HERC6: variants seen among roughly 807,000 people sequenced by gnomAD.
HERC6 encodes HECT and RLD domain containing E3 ubiquitin protein ligase family member 6.
In HERC6, 101 loss-of-function variants were observed where a neutral mutation model predicts 114.5. The observed-to-expected ratio is 0.88, with a 90% CI of 0.75 to 1.04. The LOEUF (loss-of-function observed/expected upper bound fraction) is 1.04. Ranked by LOEUF, HERC6 falls within the 50% of genes least tolerant of loss-of-function variation. The probability of loss-of-function intolerance (pLI) is 0.00; values close to 1 mark genes in which losing one functional copy is unlikely to be tolerated. For missense variants in HERC6, 1,133 were observed against 1,230.9 expected (o/e 0.92, Z 1.19); for synonymous variants, 408 against 436.2 (o/e 0.94, Z 0.81).
At position 88,442,625 on chromosome 4, in the gene HERC6, C is replaced by A; in HGVS notation, c.*165C>A. The A allele has an allele frequency of 1.6e-6, 1 of 640,066 alleles. No homozygotes were observed. Among genetic ancestry groups the A allele is most frequent in the Non-Finnish European group, 2.8e-6 (1 of 357,948 alleles). 39.6% of individuals were successfully genotyped at this position (640,066 alleles called of 1,614,324 possible). ...GATGGTCAAAGGGTGCAAAATCTCA[C>A]ACAAGACTGAGGCAGGAGAATAGGG... On this transcript the variant is annotated 3_prime_UTR_variant, in exon 23 of 23. Transcript: ENST00000264346.
At chr4:88,380,374 T>TATATATATATAATATAA (rs1734243111) in intron 1 of HERC6, among the ~76,000 whole-genome samples, 1 of 18,992 alleles carries the variant, frequency 5.3e-5, no homozygotes, top group Non-Finnish European at 8.2e-5. Context: ...AATATATAAA[T>TATATATATATAATATAA]ATATATATAT....
intron 22 of HERC6, among the ~76,000 whole-genome samples, chr4:88,441,410 A>T (rs1739340398): frequency 6.6e-6 from 1 of 152,198 alleles, no homozygotes; most frequent in Non-Finnish European, 1.5e-5. Context: ...ACATGAGGAA[A>T]AAGAGGCTTG....
chr4:88,404,737 AC>A, intron 8 of HERC6, 138 bp from the exon 9 acceptor site: 1 of 1,078,218 alleles, frequency 9.3e-7, no homozygotes, highest in South Asian at 1.7e-5. Context: ...TACCGGTCTG[AC>A]GCCAAAGCTC....
At chr4:88,383,156 T>C (rs1223623112) in intron 1 of HERC6, 65 bp from the exon 2 acceptor site, 1 of 1,558,372 alleles carries the variant, frequency 6.4e-7, no homozygotes, top group Non-Finnish European at 8.7e-7. Flanking sequence ...AGTGCTGTCT[T>C]AAACTTGTGT....
chr4:88,425,092 T>C (rs1737463123), intron 15 of HERC6, among the ~76,000 whole-genome samples: 1 of 152,232 alleles, frequency 6.6e-6, no homozygotes, highest in Non-Finnish European at 1.5e-5. Context: ...TCCAAAGTCA[T>C]TTCCTGGAAT....
intron 16 of HERC6, among the ~76,000 whole-genome samples, 171 bp from the exon 17 acceptor site, chr4:88,430,991 C>A (rs1738140420): frequency 6.6e-6 from 1 of 152,138 alleles, no homozygotes; most frequent in East Asian, 1.9e-4. Context: ...GATTCATGGC[C>A]TTCACTGCTC....
intron 18 of HERC6, among the ~76,000 whole-genome samples, chr4:88,436,158 A>G (rs1051963245): frequency 1.6e-4 from 24 of 152,210 alleles, no homozygotes; most frequent in Non-Finnish European, 3.1e-4. Context: ...CAGTTGCTTC[A>G]GAGAGCACAA....
At chr4:88,418,228 A>G (rs191697135) in intron 13 of HERC6, among the ~76,000 whole-genome samples, 222 of 152,318 alleles carry the variant, frequency 1.5e-3, no homozygotes, top group Middle Eastern at 3.4e-3. Flanking sequence ...GACAGTACTT[A>G]CCCAAGTGAG....
At position 88,413,780 on chromosome 4, in the gene HERC6, CAT is replaced by C. The variant is rs546567766; in HGVS notation, c.1558+516_1558+517del. ...GTCCAGATGTTTATATACCCTTCTA[CAT>C]AGAGGAGAGGGGAGGTAGGGAATGT... On this transcript the variant is annotated intron_variant, in intron 12 of 22. Transcript: ENST00000264346. Among the ~76,000 whole-genome samples the C allele has an allele frequency of 1.5e-3, 222 of 152,212 alleles. 6 individuals are homozygous for C. The highest frequency in any genetic ancestry group is 1.7e-3 in the Non-Finnish European group (115 of 68,034).
chr4:88,404,738 C>T (rs1403836105), intron 8 of HERC6, 138 bp from the exon 9 acceptor site: 27 of 1,103,244 alleles, frequency 2.4e-5, no homozygotes, highest in Middle Eastern at 4.6e-4. Flanking sequence ...ACCGGTCTGA[C>T]GCCAAAGCTC....
intron 8 of HERC6, among the ~76,000 whole-genome samples, chr4:88,401,910 T>G (rs951282923): frequency 6.6e-6 from 1 of 152,212 alleles, no homozygotes; most frequent in African/African-American, 2.4e-5. Flanking sequence ...TCTCCCGTGA[T>G]GTTAGGCTGC....
intron 3 of HERC6, among the ~76,000 whole-genome samples, chr4:88,386,199 C>CTTTTTTTTT (rs1262540915): frequency 7.6e-6 from 1 of 131,938 alleles, no homozygotes; most frequent in Non-Finnish European, 1.6e-5. Flanking sequence ...TTTTTCTTTT[C>CTTTTTTTTT]TTTTTTTTTT....
At position 88,390,863 on chromosome 4, in the gene HERC6, T is replaced by G. The variant is rs764456310; in HGVS notation, c.648T>G (p.Ser216Arg). 6.2e-7 allele frequency: 1 copy of G among 1,613,034 alleles called. No homozygotes were observed. The highest frequency in any genetic ancestry group is 8.5e-7 in the Non-Finnish European group (1 of 1,179,252). ...ACAGTGCCGGGCAGCTGGCCCTCAG[T>G]GGGCGTAATGTCCCAGGTAAGGAGA... ...GSNSAGQLAL[S>R]GRNVPVQSNK... The change falls in exon 4 of 23, where the codon AGT becomes AGG. Residue 216 changes from serine to arginine, a missense_variant. By Grantham distance (110) the Ser-to-Arg change is moderately radical. This residue lies in a region of HERC6 where 735 missense variants were observed against 754.0 expected (regional missense o/e 0.97). Transcript: ENST00000264346.
intron 13 of HERC6, among the ~76,000 whole-genome samples, chr4:88,418,719 T>A (rs1357343442): frequency 6.6e-6 from 1 of 152,118 alleles, no homozygotes; most frequent in African/African-American, 2.4e-5. Context: ...CATGTGTGAT[T>A]TTTTTGTTTG....
Position 88,400,785 on chromosome 4 carries a change from G to A in HERC6, c.1092+2576G>A, listed in dbSNP as rs139670639. On this transcript the variant is annotated intron_variant, in intron 8 of 22. Coordinates refer to ENST00000264346, the MANE Select transcript of HERC6 (RefSeq NM_017912.4). ...TTATAATTGTTTCATTTTGTTATTA[G>A]TTATTGGTATTAATCTCTTACTGTG... Among the ~76,000 whole-genome samples, 3 of 152,168 alleles carry A rather than the reference G, an allele frequency of 2.0e-5. No individual in the cohort carries two copies. In the East Asian group the frequency reaches 5.8e-4, roughly 29 times the overall value.
At position 88,424,653 on chromosome 4, in the gene HERC6, C is replaced by T. The variant is rs560103087; in HGVS notation, c.1886C>T (p.Ser629Leu). Residue 629 changes from serine (S) to leucine (L), a missense_variant, in exon 15 of 23, where the codon TCG becomes TTG. Ser to Leu is a moderately radical substitution (Grantham distance 145). Around this residue, in one of 3 missense-constraint regions of HERC6, gnomAD observed 10 missense variants for 31.1 expected, o/e 0.32. Transcript: ENST00000264346. ...AGTGATTTTCCATTTATCTTTAATT[C>T]GCTATCCAAAATTAAATTATTGCAA... ...IFSDFPFIFN[S>L]LSKIKLLQAD... 2.9e-5 allele frequency: 47 copies of T among 1,611,820 alleles called. No homozygotes were observed. Among genetic ancestry groups the T allele is most frequent in the Admixed American group, 1.5e-4 (9 of 59,912 alleles).
At position 88,443,031 on chromosome 4, in the gene HERC6, G is replaced by T; in HGVS notation, c.*571G>T. On this transcript the variant is annotated 3_prime_UTR_variant, in exon 23 of 23. Transcript: ENST00000264346. ...TTGCTCTAGCCCACTCCCACCCTGT[G>T]GAATGTACTTTCACTTTTGCTGCTT... The T allele has an allele frequency of 6.5e-6, 1 of 153,408 alleles. No homozygotes were observed. Among genetic ancestry groups the T allele is most frequent in the East Asian group, 1.9e-4 (1 of 5,264 alleles). 9.5% of individuals were successfully genotyped at this position (153,408 alleles called of 1,614,324 possible).
rs767803962 is a variant in HERC6, at chr4:88,439,932, T to A, written c.2614T>A (p.Tyr872Asn). The A allele has an allele frequency of 6.8e-6, 11 of 1,608,028 alleles. No individual in the cohort carries two copies. In the South Asian group the frequency reaches 1.2e-4, roughly 18 times the overall value. Residue 872 changes from tyrosine (Y) to asparagine (N), a missense_variant, in exon 21 of 23, where the codon TAT becomes AAT. Transcript: ENST00000264346. ...TTTCAACGTCTCTGTAAAAGCAGTT[T>A]ATGAGGAATTTCAGAGAGGATTTTA... Reference protein sequence around the residue: ...YIFNVSVKAVYEEFQRGFYRV... With the variant: ...YIFNVSVKAVNEEFQRGFYRV...
In HERC6 at chr4:88,409,892, C is replaced by T. The variant is rs76962758; in HGVS notation, c.1368+1275C>T. On this transcript the variant is annotated intron_variant, in intron 11 of 22. Transcript: ENST00000264346. ...ATAATTAACAGAATCTCTTAGTGCTCAGGATGCTGTAGACTGGGTAGCTTA... is the reference window on the plus strand; with the variant it reads ...ATAATTAACAGAATCTCTTAGTGCTTAGGATGCTGTAGACTGGGTAGCTTA... Among the ~76,000 whole-genome samples the T allele has an allele frequency of 4.8e-3, 729 of 152,240 alleles. 38 individuals are homozygous for T. In the East Asian group the frequency reaches 0.11, roughly 23 times the overall value.
Sources: allele counts gnomAD v4.1 joint callset (sites outside exome capture counted in the v4.1 genomes callset), GRCh38; gene constraint gnomAD v4.1.1; regional missense constraint gnomAD v4.1.1; transcripts MANE v1.5; gene names NCBI Gene and HGNC (gene_info 2026-07-23, HGNC 2026-07-21).